Variants in ZBTB7C observed in about 807,000 individuals in gnomAD.
ZBTB7C encodes zinc finger and BTB domain containing 7C, also known as zinc finger and BTB domain-containing protein 7C.
ZBTB7C carries 8 observed loss-of-function variants against 25.7 expected under a neutral mutation model. That is an observed-to-expected ratio of 0.31 (90% CI 0.18 to 0.56). The LOEUF is 0.56. Among genes scored for constraint, ZBTB7C ranks in the 20% least tolerant of loss-of-function variants. The pLI is 0.91. For synonymous variants in ZBTB7C, 394 were observed against 369.0 expected (o/e 1.07, Z -0.78); for missense variants, 824 against 855.2 (o/e 0.96, Z 0.46).
At chr18:48,317,552 C>G (rs17824054) in intron 2 of ZBTB7C, among the ~76,000 whole-genome samples, 3,808 of 152,266 alleles carry the variant, frequency 0.025, 59 homozygotes, top group Non-Finnish European at 0.037. Context: ...AGGTCGAGAG[C>G]TTGTTTGCAA....
At chr18:48,388,429 A>C (rs537968777) in intron 1 of ZBTB7C, among the ~76,000 whole-genome samples, 2 of 152,310 alleles carry the variant, frequency 1.3e-5, no homozygotes, top group East Asian at 3.9e-4. Flanking sequence ...CACAGCACCT[A>C]GCAGTGTGTT....
At chr18:48,231,221 G>A (rs1284626906) in intron 2 of ZBTB7C, among the ~76,000 whole-genome samples, 1 of 152,144 alleles carries the variant, frequency 6.6e-6, no homozygotes. Context: ...TGAGGCCTGG[G>A]GGCCAGGCTG....
At chr18:48,141,151 C>CCCCCCCCCCCCT (rs2040336655) in intron 3 of ZBTB7C, among the ~76,000 whole-genome samples, 3 of 145,378 alleles carry the variant, frequency 2.1e-5, no homozygotes, top group East Asian at 2.1e-4. Flanking sequence ...GCACCACCCC[C>CCCCCCCCCCCCT]CCCACTGTTC....
chr18:48,357,869 A>G (rs867440534), intron 1 of ZBTB7C, among the ~76,000 whole-genome samples: 1 of 152,344 alleles, frequency 6.6e-6, no homozygotes, highest in East Asian at 1.9e-4. Flanking sequence ...TTTGTTACAC[A>G]GCGGATAAAG....
intron 3 of ZBTB7C, among the ~76,000 whole-genome samples, chr18:48,082,992 A>G (rs1213594848): frequency 6.6e-6 from 1 of 152,154 alleles, no homozygotes; most frequent in African/African-American, 2.4e-5. Flanking sequence ...TGTTCTTAAA[A>G]TGAAAATCTA....
chr18:48,142,045 G>A (rs2040365672), intron 3 of ZBTB7C, among the ~76,000 whole-genome samples: 2 of 152,232 alleles, frequency 1.3e-5, no homozygotes, highest in Non-Finnish European at 2.9e-5. Flanking sequence ...CACTTTAACA[G>A]CCCTTTATAT....
intron 2 of ZBTB7C, among the ~76,000 whole-genome samples, chr18:48,223,806 A>T (rs2043018776): frequency 6.6e-6 from 1 of 152,258 alleles, no homozygotes; most frequent in African/African-American, 2.4e-5. Context: ...GGATCTGTTT[A>T]AGAGTCTGCT....
At chr18:48,116,303 C>T (rs898265220) in intron 3 of ZBTB7C, among the ~76,000 whole-genome samples, 1 of 152,178 alleles carries the variant, frequency 6.6e-6, no homozygotes, top group Middle Eastern at 3.2e-3. Flanking sequence ...TGTAACTTAT[C>T]TTTGGACTCC....
At chr18:48,380,926 G>GA (rs1225177115) in intron 1 of ZBTB7C, among the ~76,000 whole-genome samples, 14 of 151,932 alleles carry the variant, frequency 9.2e-5, no homozygotes, top group Admixed American at 8.5e-4. Flanking sequence ...TTATTTAAAA[G>GA]AAAAAAACTC....
intron 2 of ZBTB7C, among the ~76,000 whole-genome samples, chr18:48,328,490 T>A (rs903317992): frequency 6.6e-6 from 1 of 152,224 alleles, no homozygotes; most frequent in Non-Finnish European, 1.5e-5. Context: ...TGAACAAAGA[T>A]CTTTCAAATT....
At chr18:48,337,778 G>A (rs551432586) in intron 2 of ZBTB7C, among the ~76,000 whole-genome samples, 6 of 152,318 alleles carry the variant, frequency 3.9e-5, no homozygotes, top group South Asian at 2.1e-4. Context: ...TCATGGACAC[G>A]ATGAAAGAGC....
chr18:48,284,930 T>C (rs1382683363), intron 2 of ZBTB7C, among the ~76,000 whole-genome samples: 2 of 152,200 alleles, frequency 1.3e-5, no homozygotes, highest in African/African-American at 2.4e-5. Context: ...CTTTATCTTA[T>C]AAGACTGGAC....
intron 1 of ZBTB7C, among the ~76,000 whole-genome samples, chr18:48,382,556 C>T (rs75933321): frequency 0.013 from 1,908 of 152,314 alleles, 27 homozygotes; most frequent in African/African-American, 0.04. Flanking sequence ...TGACGACACT[C>T]CTTCCTACAT....
At chr18:48,155,175 T>C (rs2040799261) in intron 3 of ZBTB7C, among the ~76,000 whole-genome samples, 1 of 152,168 alleles carries the variant, frequency 6.6e-6, no homozygotes, top group Non-Finnish European at 1.5e-5. Context: ...TGCTGGGGTA[T>C]GTATTCTCTG....
chr18:48,321,511 G>T (rs2046091817), intron 2 of ZBTB7C, among the ~76,000 whole-genome samples: 1 of 152,182 alleles, frequency 6.6e-6, no homozygotes, highest in African/African-American at 2.4e-5. Context: ...CTGATTCTAA[G>T]GCCAGAAAAG....
At chr18:48,403,758 T>G (rs1020358480) in intron 1 of ZBTB7C, among the ~76,000 whole-genome samples, 3 of 151,992 alleles carry the variant, frequency 2.0e-5, no homozygotes, top group African/African-American at 7.3e-5. Context: ...CACCAAAATC[T>G]CAGTAAGCAC....
chr18:48,188,775 T>G lies in ZBTB7C; in HGVS notation c.-78-2780A>C, dbSNP rs549961498. 3.9e-5 allele frequency among the ~76,000 whole-genome samples: 6 copies of G among 152,246 alleles called. 1 individual carries two copies. Among genetic ancestry groups the G allele is most frequent in the African/African-American group, 1.4e-4 (6 of 41,544 alleles). ...CCCCACCGGGAACCTGGGCTCCTATTACACTTTCATTGTTACCATTTGTTC... is the reference window on the plus strand; with the variant it reads ...CCCCACCGGGAACCTGGGCTCCTATGACACTTTCATTGTTACCATTTGTTC... On this transcript the variant is annotated intron_variant, in intron 2 of 4. Coordinates refer to ENST00000590800, the MANE Select transcript of ZBTB7C (RefSeq NM_001318841.2).
intron 2 of ZBTB7C, among the ~76,000 whole-genome samples, chr18:48,290,363 C>T (rs1302897304): frequency 6.6e-6 from 1 of 152,220 alleles, no homozygotes; most frequent in Admixed American, 6.5e-5. Flanking sequence ...CTTTCAGGGC[C>T]GCCAAAGCTA....
chr18:48,303,245 C>T (rs142050115), intron 2 of ZBTB7C, among the ~76,000 whole-genome samples: 250 of 152,346 alleles, frequency 1.6e-3, no homozygotes, highest in Non-Finnish European at 2.8e-3. Context: ...CCAGTCATAA[C>T]AGTCAAAGGT....
Sources: gnomAD v4.1 joint callset for allele counts (sites outside exome capture counted in the v4.1 genomes callset) on GRCh38, gnomAD v4.1.1 for gene constraint, MANE v1.5 for transcripts, NCBI Gene and HGNC (gene_info 2026-07-23, HGNC 2026-07-21) for gene names.